Variants in TGFBR1 observed in about 807,000 individuals in gnomAD.
The protein encoded by TGFBR1 is transforming growth factor beta receptor 1, also known as TGF-beta receptor type-1.
In TGFBR1, 20 loss-of-function variants were observed where a neutral mutation model predicts 55.1. The observed-to-expected ratio is 0.36, with a 90% CI of 0.26 to 0.53. The LOEUF is 0.53. Ranked by LOEUF, TGFBR1 falls within the 20% of genes least tolerant of loss-of-function variation. The pLI is 0.91. For missense variants in TGFBR1, 385 were observed against 617.6 expected (o/e 0.62, Z 3.99); for synonymous variants, 220 against 214.8 (o/e 1.02, Z -0.21).
intron 1 of TGFBR1, chr9:99,128,087 T>C: frequency 2.2e-6 from 1 of 446,620 alleles, no homozygotes; most frequent in South Asian, 1.6e-5. Context: ...AAGGTGTTGG[T>C]GATAATTAGA....
Position 99,132,754 on chromosome 9 carries a change from T to C in TGFBR1, c.574+15T>C. On this transcript the variant is annotated intron_variant, in intron 3 of 8. Coordinates refer to ENST00000374994, the MANE Select transcript of TGFBR1 (RefSeq NM_004612.4). The stretch of plus-strand genomic sequence containing the variant: ...TTCTGGCTCAGGTAACATAATTGTT[T>C]CTCCTTTTTCCTAAGACATCTTTTT... The C allele has an allele frequency of 6.2e-7, 1 of 1,614,014 alleles. No individual in the cohort carries two copies. The highest frequency in any genetic ancestry group is 8.5e-7 in the Non-Finnish European group (1 of 1,179,958).
chr9:99,112,857 C>T (rs191960089), intron 1 of TGFBR1, among the ~76,000 whole-genome samples: 1 of 152,066 alleles, frequency 6.6e-6, no homozygotes, highest in Non-Finnish European at 1.5e-5. Flanking sequence ...AAAATGGAAC[C>T]TAGTTGGAAA....
rs1473808991 is a variant in TGFBR1 at position 99,151,601 on chromosome 9, A to T, written c.*2296A>T. The T allele has an allele frequency of 4.3e-6, 1 of 229,976 alleles. No individual in the cohort carries two copies. The allele number at this position is 229,976 out of a possible 1,614,324, so 14.2% of individuals were successfully genotyped here. On this transcript the variant is annotated 3_prime_UTR_variant, in exon 9 of 9. Coordinates refer to ENST00000374994, the MANE Select transcript of TGFBR1 (RefSeq NM_004612.4). ...TCCACTTTTGCTGAAGATATTTTTT[A>T]TTGAATCAAAGATTGAGTTACAATT... is the stretch of plus-strand genomic sequence containing the variant.
At chr9:99,111,702 T>C (rs1826587006) in intron 1 of TGFBR1, among the ~76,000 whole-genome samples, 1 of 152,184 alleles carries the variant, frequency 6.6e-6, no homozygotes, top group Non-Finnish European at 1.5e-5. Flanking sequence ...TTATGAAAGC[T>C]AATAAAAGTG....
chr9:99,149,463 T>C lies in TGFBR1; in HGVS notation c.*158T>C. The C allele has an allele frequency of 9.6e-7, 1 of 1,039,634 alleles. No individual in the cohort carries two copies. Among genetic ancestry groups the C allele is most frequent in the Non-Finnish European group, 1.4e-6 (1 of 702,002 alleles). 64.4% of individuals were successfully genotyped at this position (1,039,634 alleles called of 1,614,324 possible). On this transcript the variant is annotated 3_prime_UTR_variant, in exon 9 of 9. Transcript: ENST00000374994. ...TCAATTAAAAACTTCCCAGGATTTC[T>C]TTGGACCCAGGAAACAGCCATGTGG...
At chr9:99,143,151 A>G (rs1390054827) in intron 5 of TGFBR1, among the ~76,000 whole-genome samples, 2 of 152,202 alleles carry the variant, frequency 1.3e-5, no homozygotes, top group Admixed American at 6.5e-5. Context: ...TTTCAGTTCA[A>G]AATTTCAGGT....
chr9:99,125,018 A>G (rs559914274), intron 1 of TGFBR1, among the ~76,000 whole-genome samples: 51 of 152,226 alleles, frequency 3.4e-4, no homozygotes, highest in Non-Finnish European at 7.3e-4. Context: ...CAACTACAAA[A>G]AAAAACAAAA....
intron 3 of TGFBR1, among the ~76,000 whole-genome samples, chr9:99,134,802 TTATATATATATATA>T (rs10625219): frequency 0.11 from 4,668 of 41,210 alleles, 268 homozygotes; most frequent in South Asian, 0.2. Context: ...TCTGTTTCCA[TTATATATATATATA>T]TATATATATA....
intron 2 of TGFBR1, among the ~76,000 whole-genome samples, chr9:99,131,159 A>C (rs1827211668): frequency 6.6e-6 from 1 of 152,186 alleles, no homozygotes; most frequent in Non-Finnish European, 1.5e-5. Flanking sequence ...TCAAGAATAA[A>C]AGAATTATAT....
At chr9:99,128,742 G>A (rs1177966755) in intron 1 of TGFBR1, 113 bp from the exon 2 acceptor site, 5 of 1,393,240 alleles carry the variant, frequency 3.6e-6, no homozygotes, top group African/African-American at 1.4e-5. Context: ...GCAACAAACA[G>A]TGCATAGAAA....
intron 3 of TGFBR1, among the ~76,000 whole-genome samples, chr9:99,133,929 G>C (rs1413997375): frequency 6.6e-6 from 1 of 151,776 alleles, no homozygotes; most frequent in African/African-American, 2.4e-5. Flanking sequence ...ACCTGAACCT[G>C]GGGGGTGGAG....
intron 1 of TGFBR1, among the ~76,000 whole-genome samples, chr9:99,121,641 A>G (rs1826901917): frequency 6.6e-6 from 1 of 152,172 alleles, no homozygotes; most frequent in Non-Finnish European, 1.5e-5. Flanking sequence ...CAGTGATGTG[A>G]TCTGCTTTCA....
chr9:99,141,468 G>T (rs1463481539), intron 4 of TGFBR1, among the ~76,000 whole-genome samples: 1 of 152,168 alleles, frequency 6.6e-6, no homozygotes, highest in Non-Finnish European at 1.5e-5. Context: ...AACCAGCAGG[G>T]AAAGAAAGAG....
intron 1 of TGFBR1, among the ~76,000 whole-genome samples, chr9:99,108,948 G>A (rs778087449): frequency 2.6e-5 from 4 of 152,128 alleles, no homozygotes; most frequent in Non-Finnish European, 4.4e-5. Context: ...ATGAAAAAAC[G>A]ACTCAGGTGA....
intron 3 of TGFBR1, 149 bp downstream of exon 3, chr9:99,132,888 T>C (rs911887809): frequency 8.0e-6 from 9 of 1,130,406 alleles, no homozygotes; most frequent in Non-Finnish European, 1.1e-5. Context: ...TCTTTAAGCT[T>C]GATGTATATA....
Position 99,152,550 on chromosome 9 carries a change from C to G in TGFBR1, c.*3245C>G, listed in dbSNP as rs202040220. The G allele has an allele frequency of 1.3e-4, 30 of 229,952 alleles. No homozygotes were observed. Among genetic ancestry groups the G allele is most frequent in the African/African-American group, 6.2e-4 (28 of 45,168 alleles). The allele number at this position is 229,952 out of a possible 1,614,324, so 14.2% of individuals were successfully genotyped here. On this transcript the variant is annotated 3_prime_UTR_variant, in exon 9 of 9. Transcript: ENST00000374994. ...TACATGCATGAGTTACCTTTTTTCT[C>G]TATGTCTGAGAACTGTCAGATTAAA... is the stretch of plus-strand genomic sequence containing the variant.
At chr9:99,141,318 A>G (rs530623576) in intron 4 of TGFBR1, among the ~76,000 whole-genome samples, 22 of 152,386 alleles carry the variant, frequency 1.4e-4, no homozygotes, top group Non-Finnish European at 2.4e-4. Context: ...AAATGTACCC[A>G]GAAATCTCCT....
chr9:99,117,310 G>A (rs1826775276), intron 1 of TGFBR1, among the ~76,000 whole-genome samples: 1 of 151,172 alleles, frequency 6.6e-6, no homozygotes, highest in African/African-American at 2.4e-5. Context: ...TGTTGGCCAG[G>A]CTGGTGTCGA....
At chr9:99,130,390 G>T (rs1054884990) in intron 2 of TGFBR1, among the ~76,000 whole-genome samples, 4 of 152,176 alleles carry the variant, frequency 2.6e-5, no homozygotes, top group African/African-American at 7.2e-5. Flanking sequence ...CACTGCTGTA[G>T]CGCAGAAGGA....
Sources: allele counts gnomAD v4.1 joint callset (sites outside exome capture counted in the v4.1 genomes callset), GRCh38; gene constraint gnomAD v4.1.1; transcripts MANE v1.5; gene names NCBI Gene and HGNC (gene_info 2026-07-23, HGNC 2026-07-21).